The following NETO1 variants were observed in gnomAD, a reference collection of about 807,000 sequenced individuals.
NETO1 encodes the protein neuropilin and tolloid like 1, also known as neuropilin and tolloid-like protein 1.
In NETO1, 26 loss-of-function variants were observed where a neutral mutation model predicts 61.3. That is an observed-to-expected ratio of 0.42 (90% CI 0.31 to 0.59). NETO1 has a LOEUF of 0.59. NETO1 is among the 20% of genes least tolerant of loss of function. The probability of loss-of-function intolerance (pLI) is 0.12; values close to 1 mark genes in which losing one functional copy is unlikely to be tolerated. For synonymous variants in NETO1, 225 were observed against 225.8 expected (o/e 1.00, Z 0.03); for missense variants, 531 against 662.8 (o/e 0.80, Z 2.18).
chr18:72,776,981 C>T lies in NETO1; in HGVS notation c.868+6697G>A, dbSNP rs560059606. Among the ~76,000 whole-genome samples the T allele has an allele frequency of 3.3e-5, 5 of 152,298 alleles. No homozygotes were observed. The South Asian group carries it at 6.2e-4, about 19-fold the overall frequency. ...TACATTCTGAGGCAAATCGTTCTTA[C>T]GCTGTAAATCTGTGAATGAAAATGT... On this transcript the variant is annotated intron_variant, in intron 7 of 10. Coordinates refer to ENST00000327305, the MANE Select transcript of NETO1 (RefSeq NM_138966.5).
At chr18:72,781,093 T>G (rs1226493936) in intron 7 of NETO1, among the ~76,000 whole-genome samples, 2 of 152,192 alleles carry the variant, frequency 1.3e-5, no homozygotes, top group Non-Finnish European at 1.5e-5. Flanking sequence ...TTCCTCTATG[T>G]TATTGATTTT....
intron 7 of NETO1, among the ~76,000 whole-genome samples, chr18:72,775,516 G>A (rs1449877638): frequency 6.6e-6 from 1 of 152,160 alleles, no homozygotes; most frequent in African/African-American, 2.4e-5. Context: ...AGAGCCATGT[G>A]AACGTGGCAT....
At chr18:72,794,743 T>C (rs535484349) in intron 4 of NETO1, among the ~76,000 whole-genome samples, 1 of 152,282 alleles carries the variant, frequency 6.6e-6, no homozygotes, top group East Asian at 1.9e-4. Context: ...ATATTATCTA[T>C]CCTCTATAAC....
At chr18:72,783,566 T>G in intron 7 of NETO1, 112 bp downstream of exon 7, 2 of 829,952 alleles carry the variant, frequency 2.4e-6, no homozygotes, top group Non-Finnish European at 3.9e-6. Flanking sequence ...AACAACATAT[T>G]AGAGAATAGC....
chr18:72,780,244 GA>G (rs1568194069), intron 7 of NETO1, among the ~76,000 whole-genome samples: 2 of 152,196 alleles, frequency 1.3e-5, no homozygotes, highest in Non-Finnish European at 2.9e-5. Context: ...CATTTGAAGA[GA>G]GTGATTATTT....
chr18:72,792,660 C>A (rs1378318850), intron 6 of NETO1, among the ~76,000 whole-genome samples: 1 of 151,784 alleles, frequency 6.6e-6, no homozygotes, highest in African/African-American at 2.4e-5. Flanking sequence ...TCCAAATATG[C>A]AAATCTGGTC....
Position 72,746,861 on chromosome 18 carries a change from C to G in NETO1, c.*1318G>C, listed in dbSNP as rs1297852460. On this transcript the variant is annotated 3_prime_UTR_variant, in exon 11 of 11. Coordinates refer to ENST00000327305, the MANE Select transcript of NETO1 (RefSeq NM_138966.5). ...TAACCACTCACCAAATCAAACTTTA[C>G]AGAGTGTGTATATAATTTAATAGCA... Among the ~76,000 whole-genome samples the G allele has an allele frequency of 6.6e-6, 1 of 151,924 alleles. No individual in the cohort carries two copies. The highest frequency in any genetic ancestry group is 1.5e-5 in the Non-Finnish European group (1 of 67,934).
intron 7 of NETO1, among the ~76,000 whole-genome samples, chr18:72,758,138 G>T (rs1252910639): frequency 6.6e-6 from 1 of 152,104 alleles, no homozygotes; most frequent in Non-Finnish European, 1.5e-5. Flanking sequence ...GTTGGTAAGA[G>T]CACTGAAATT....
chr18:72,772,817 CTCTCTCTCTATATATATATA>C (rs1157742397), intron 7 of NETO1, among the ~76,000 whole-genome samples: 19 of 54,302 alleles, frequency 3.5e-4, no homozygotes, highest in African/African-American at 5.4e-4. Context: ...CTCTCTCTCT[CTCTCTCTCTATATATATATA>C]TATATATATA....
chr18:72,757,476 G>A (rs1485690146), intron 7 of NETO1, among the ~76,000 whole-genome samples: 1 of 151,670 alleles, frequency 6.6e-6, no homozygotes, highest in African/African-American at 2.4e-5. Context: ...GATTCTTCCT[G>A]GTTCTTCATC....
chr18:72,759,515 AG>A (rs2070900267), intron 7 of NETO1, among the ~76,000 whole-genome samples: 1 of 152,180 alleles, frequency 6.6e-6, no homozygotes, highest in Non-Finnish European at 1.5e-5. Flanking sequence ...AATATTACTT[AG>A]CAAAAGGTTA....
At chr18:72,864,480 C>G (rs1482067804) in intron 3 of NETO1, among the ~76,000 whole-genome samples, 1 of 152,196 alleles carries the variant, frequency 6.6e-6, no homozygotes, top group Non-Finnish European at 1.5e-5. Context: ...GCTAGTTTCT[C>G]ACACTTACAC....
intron 4 of NETO1, among the ~76,000 whole-genome samples, chr18:72,809,663 T>G (rs904714251): frequency 5.9e-5 from 9 of 152,256 alleles, no homozygotes; most frequent in African/African-American, 1.9e-4. Flanking sequence ...TCTATAAAAT[T>G]TATTTACAAA....
chr18:72,777,274 CTGGTGTAG>C (rs2071578747), intron 7 of NETO1, among the ~76,000 whole-genome samples: 1 of 151,912 alleles, frequency 6.6e-6, no homozygotes, highest in Non-Finnish European at 1.5e-5. Context: ...AAAAATTAGC[CTGGTGTAG>C]TGGTGTATGC....
At chr18:72,766,299 CAAAAATATA>C (rs1568181680) in intron 7 of NETO1, among the ~76,000 whole-genome samples, 5 of 148,618 alleles carry the variant, frequency 3.4e-5, no homozygotes, top group African/African-American at 7.4e-5. Flanking sequence ...TCTACACAAA[CAAAAATATA>C]AAAAATATAT....
intron 1 of NETO1, 75 bp from the exon 2 acceptor site, chr18:72,865,316 A>C (rs1394900244): frequency 3.1e-6 from 4 of 1,305,754 alleles, no homozygotes; most frequent in Non-Finnish European, 4.3e-6. Context: ...ACATAATTTC[A>C]AGATAAAATA....
chr18:72,784,600 T>C (rs903279557), intron 6 of NETO1, among the ~76,000 whole-genome samples: 2 of 152,226 alleles, frequency 1.3e-5, no homozygotes, highest in African/African-American at 4.8e-5. Flanking sequence ...TTTATTGTCA[T>C]ATTCAGATGA....
At chr18:72,818,024 A>G (rs1261682951) in intron 4 of NETO1, among the ~76,000 whole-genome samples, 1 of 152,224 alleles carries the variant, frequency 6.6e-6, no homozygotes, top group East Asian at 1.9e-4. Flanking sequence ...TCGGGCTTAT[A>G]AAAATCTTGC....
intron 7 of NETO1, among the ~76,000 whole-genome samples, chr18:72,765,433 A>G (rs1463478223): frequency 6.6e-6 from 1 of 151,016 alleles, no homozygotes; most frequent in Non-Finnish European, 1.5e-5. Flanking sequence ...TTTTTTTTTA[A>G]TTGGAGATGA....
Sources: gnomAD v4.1 joint callset for allele counts (sites outside exome capture counted in the v4.1 genomes callset) on GRCh38, gnomAD v4.1.1 for gene constraint, MANE v1.5 for transcripts, NCBI Gene and HGNC (gene_info 2026-07-23, HGNC 2026-07-21) for gene names.